Variants in DIAPH3 observed in about 807,000 individuals in gnomAD.
The protein encoded by DIAPH3 is protein diaphanous homolog 3.
In DIAPH3, 117 loss-of-function variants were observed where a neutral mutation model predicts 144.3. The observed-to-expected ratio is 0.81, with a 90% CI of 0.70 to 0.95. The LOEUF (loss-of-function observed/expected upper bound fraction) is 0.95. Among genes scored for constraint, DIAPH3 ranks in the 40% least tolerant of loss-of-function variants. The probability of loss-of-function intolerance (pLI) is 0.00; values close to 1 mark genes in which losing one functional copy is unlikely to be tolerated. For synonymous variants in DIAPH3, 519 were observed against 488.9 expected (o/e 1.06, Z -0.81); for missense variants, 1,421 against 1,412.7 (o/e 1.01, Z -0.09).
At chr13:60,078,498 GGTTAA>G (rs1457579073) in intron 4 of DIAPH3, among the ~76,000 whole-genome samples, 2 of 151,988 alleles carry the variant, frequency 1.3e-5, no homozygotes, top group Admixed American at 1.3e-4. Context: ...GAGGGAATAT[GGTTAA>G]GTTCAGTTAT....
At chr13:59,735,385 G>A (rs936152587) in intron 27 of DIAPH3, among the ~76,000 whole-genome samples, 3 of 152,152 alleles carry the variant, frequency 2.0e-5, no homozygotes, top group East Asian at 1.9e-4. Context: ...TTGAAAGTCC[G>A]TAACACCTTA....
intron 2 of DIAPH3, among the ~76,000 whole-genome samples, chr13:60,124,127 A>G (rs966179583): frequency 2.6e-5 from 4 of 152,202 alleles, no homozygotes; most frequent in African/African-American, 9.7e-5. Flanking sequence ...GGAATGTACT[A>G]GAGTTGTCTG....
At chr13:60,162,062 GT>G (rs1361257301) in intron 1 of DIAPH3, among the ~76,000 whole-genome samples, 4 of 152,106 alleles carry the variant, frequency 2.6e-5, no homozygotes, top group Non-Finnish European at 5.9e-5. Flanking sequence ...AAAACACAGT[GT>G]TTTAGATGTG....
intron 1 of DIAPH3, among the ~76,000 whole-genome samples, chr13:60,140,915 C>T (rs748943191): frequency 3.3e-5 from 5 of 152,040 alleles, no homozygotes; most frequent in East Asian, 1.9e-4. Flanking sequence ...GCACATTATT[C>T]GTCTGTTTTC....
intron 3 of DIAPH3, among the ~76,000 whole-genome samples, chr13:60,096,716 C>T (rs1343592104): frequency 6.6e-6 from 1 of 152,176 alleles, no homozygotes; most frequent in East Asian, 1.9e-4. Context: ...CTGAGACAAA[C>T]TTCTTCTGCC....
chr13:60,092,739 C>T (rs1364388224), intron 4 of DIAPH3, among the ~76,000 whole-genome samples: 1 of 152,138 alleles, frequency 6.6e-6, no homozygotes, highest in Non-Finnish European at 1.5e-5. Context: ...ACATGAGACA[C>T]GTTTAAAAAT....
chr13:59,761,953 C>T (rs138357459), intron 27 of DIAPH3, among the ~76,000 whole-genome samples: 2 of 150,592 alleles, frequency 1.3e-5, no homozygotes, highest in East Asian at 4.0e-4. Flanking sequence ...CAGTTCCTTA[C>T]AACTTGGGTT....
At chr13:60,078,928 AT>A (rs1472141821) in intron 4 of DIAPH3, among the ~76,000 whole-genome samples, 2 of 152,012 alleles carry the variant, frequency 1.3e-5, no homozygotes, top group Non-Finnish European at 2.9e-5. Flanking sequence ...AAGAACTTAC[AT>A]GAATGAAGCC....
At chr13:59,835,837 C>A (rs1321279562) in intron 23 of DIAPH3, among the ~76,000 whole-genome samples, 1 of 151,700 alleles carries the variant, frequency 6.6e-6, no homozygotes, top group African/African-American at 2.4e-5. Flanking sequence ...ATTCCTTTAT[C>A]TGAAAAATGC....
At chr13:59,725,881 A>G (rs1396875652) in intron 27 of DIAPH3, among the ~76,000 whole-genome samples, 1 of 152,224 alleles carries the variant, frequency 6.6e-6, no homozygotes, top group Non-Finnish European at 1.5e-5. Context: ...AAAGCAACTT[A>G]AGAAAAAAGC....
At chr13:59,861,669 A>C in intron 21 of DIAPH3, 133 bp from the exon 22 acceptor site, 1 of 1,004,988 alleles carries the variant, frequency 1.0e-6, no homozygotes, top group Non-Finnish European at 1.5e-6. Flanking sequence ...CGTTTTTGAA[A>C]AACAAATATT....
intron 2 of DIAPH3, among the ~76,000 whole-genome samples, chr13:60,119,419 A>G (rs1366566366): frequency 1.3e-5 from 2 of 152,178 alleles, no homozygotes; most frequent in African/African-American, 2.4e-5. Flanking sequence ...CAGCTAAGCA[A>G]CTACCAAATT....
intron 24 of DIAPH3, among the ~76,000 whole-genome samples, chr13:59,829,887 C>A (rs898342163): frequency 1.3e-5 from 2 of 151,830 alleles, no homozygotes; most frequent in Non-Finnish European, 2.9e-5. Context: ...ACAGTGGTTC[C>A]AACCCCTGAT....
intron 21 of DIAPH3, among the ~76,000 whole-genome samples, chr13:59,869,052 A>G (rs1038143210): frequency 6.6e-6 from 1 of 152,120 alleles, no homozygotes; most frequent in Admixed American, 6.6e-5. Context: ...GTGTGGACTT[A>G]AGTTTTCAAT....
intron 25 of DIAPH3, among the ~76,000 whole-genome samples, chr13:59,799,828 GAAAT>G (rs1298059173): frequency 6.6e-6 from 1 of 152,130 alleles, no homozygotes; most frequent in Non-Finnish European, 1.5e-5. Flanking sequence ...TTATTATTGA[GAAAT>G]AATGGCATGT....
At chr13:60,162,223 C>T (rs1423590538) in intron 1 of DIAPH3, among the ~76,000 whole-genome samples, 2 of 152,148 alleles carry the variant, frequency 1.3e-5, no homozygotes, top group Admixed American at 6.5e-5. Flanking sequence ...ATGATGAAAT[C>T]CTTCAATGAA....
At chr13:59,762,052 CTTTTTTTTT>C (rs35387511) in intron 27 of DIAPH3, among the ~76,000 whole-genome samples, 25 of 59,520 alleles carry the variant, frequency 4.2e-4, no homozygotes, top group African/African-American at 9.1e-4. Context: ...GCGTCAGCAT[CTTTTTTTTT>C]TTTTTTTTTT....
chr13:59,891,061 T>A (rs570074912), intron 20 of DIAPH3, among the ~76,000 whole-genome samples: 1 of 152,146 alleles, frequency 6.6e-6, no homozygotes, highest in Admixed American at 6.6e-5. Flanking sequence ...AAGTCCAGCC[T>A]CCTCTTTTCC....
chr13:60,139,690 C>A (rs2059384417), intron 1 of DIAPH3, among the ~76,000 whole-genome samples: 1 of 152,184 alleles, frequency 6.6e-6, no homozygotes, highest in Non-Finnish European at 1.5e-5. Context: ...GGACTCTGAC[C>A]TAGATTGCAC....
Sources: gnomAD v4.1 joint callset for allele counts (sites outside exome capture counted in the v4.1 genomes callset) on GRCh38, gnomAD v4.1.1 for gene constraint, MANE v1.5 for transcripts, NCBI Gene and HGNC (gene_info 2026-07-23, HGNC 2026-07-21) for gene names.